Variants in KIAA1217 observed in about 807,000 individuals in gnomAD.
KIAA1217 encodes KIAA1217.
A neutral mutation model predicts 163.9 loss-of-function variants in KIAA1217; 88 were observed. The observed-to-expected ratio is 0.54, with a 90% CI of 0.45 to 0.64. KIAA1217 has a LOEUF of 0.64. Among genes scored for constraint, KIAA1217 ranks in the 30% least tolerant of loss-of-function variants. KIAA1217 has a pLI of 0.00. For missense variants in KIAA1217, 2,372 were observed against 2,475.0 expected, an observed-to-expected ratio of 0.96 and a Z score of 0.88; for synonymous variants, 903 against 923.1, an observed-to-expected ratio of 0.98 and a Z score of 0.39.
chr10:24,398,733 C>T lies in KIAA1217; in HGVS notation c.553+17666C>T, dbSNP rs7086956. The stretch of plus-strand genomic sequence containing the variant: ...GACCTGCTAACACTTAAGAGTTGAG[C>T]GTGCACAGTGTGTTTACTGCAGTTG... On this transcript the variant is annotated intron_variant, in intron 3 of 20. Transcript: ENST00000376454. 2.5e-3 allele frequency among the ~76,000 whole-genome samples: 388 copies of T among 152,198 alleles called. 2 individuals are homozygous for T. Among genetic ancestry groups the T allele is most frequent in the African/African-American group, 8.8e-3 (366 of 41,520 alleles).
intron 2 of KIAA1217, among the ~76,000 whole-genome samples, chr10:24,247,189 AG>A (rs2073917506): frequency 6.8e-6 from 1 of 146,006 alleles, no homozygotes; most frequent in African/African-American, 2.6e-5. Flanking sequence ...ATTTAAGTTC[AG>A]GGGTATGTGT....
chr10:23,981,239 G>A (rs1845754232), intron 1 of KIAA1217, among the ~76,000 whole-genome samples: 1 of 151,960 alleles, frequency 6.6e-6, no homozygotes, highest in Non-Finnish European at 1.5e-5. Flanking sequence ...TTTAATTTAG[G>A]TATTCATTTG....
chr10:24,531,110 T>A (rs1380104142), intron 14 of KIAA1217, among the ~76,000 whole-genome samples: 1 of 151,900 alleles, frequency 6.6e-6, no homozygotes, highest in Non-Finnish European at 1.5e-5. Context: ...GAGGCTAAGG[T>A]GGGAGGATCA....
intron 1 of KIAA1217, among the ~76,000 whole-genome samples, chr10:23,943,317 C>A (rs1297400855): frequency 2.0e-5 from 3 of 152,026 alleles, no homozygotes; most frequent in Non-Finnish European, 4.4e-5. Flanking sequence ...GATTCAAGAG[C>A]AGCATATAAT....
chr10:24,100,097 T>G (rs1292415568), intron 2 of KIAA1217, among the ~76,000 whole-genome samples: 2 of 152,084 alleles, frequency 1.3e-5, no homozygotes, highest in African/African-American at 4.8e-5. Flanking sequence ...TATAGCAAAA[T>G]AAGTCTTTGT....
intron 1 of KIAA1217, among the ~76,000 whole-genome samples, chr10:23,843,589 A>G (rs555111273): frequency 6.6e-6 from 1 of 152,152 alleles, no homozygotes; most frequent in South Asian, 2.1e-4. Context: ...TGTCCTTCCT[A>G]ATTCTGCTCT....
intron 2 of KIAA1217, among the ~76,000 whole-genome samples, chr10:24,165,622 C>T (rs1454137185): frequency 6.6e-6 from 1 of 152,058 alleles, no homozygotes; most frequent in Non-Finnish European, 1.5e-5. Context: ...AAGCTGGATA[C>T]AAAATTCGAG....
chr10:24,530,690 G>C (rs572338625), intron 14 of KIAA1217, among the ~76,000 whole-genome samples: 2 of 152,164 alleles, frequency 1.3e-5, no homozygotes, highest in South Asian at 2.1e-4. Flanking sequence ...TTGAAGCCAG[G>C]ACTTCAAGAG....
intron 1 of KIAA1217, among the ~76,000 whole-genome samples, chr10:23,731,602 AG>A (rs1838481360): frequency 6.6e-6 from 1 of 152,156 alleles, no homozygotes; most frequent in Admixed American, 6.5e-5. Flanking sequence ...TTAGGGAGGG[AG>A]GGGGTACAAC....
intron 1 of KIAA1217, among the ~76,000 whole-genome samples, chr10:23,801,959 A>G (rs955589526): frequency 6.6e-6 from 1 of 152,212 alleles, no homozygotes; most frequent in Non-Finnish European, 1.5e-5. Context: ...TACAGTTTTC[A>G]TATATTCCCT....
At chr10:24,455,264 G>A (rs888674067) in intron 5 of KIAA1217, among the ~76,000 whole-genome samples, 1 of 151,896 alleles carries the variant, frequency 6.6e-6, no homozygotes, top group Admixed American at 6.6e-5. Context: ...AATTTTTATC[G>A]ACAGATATGT....
intron 2 of KIAA1217, among the ~76,000 whole-genome samples, chr10:24,281,614 TGGA>T (rs1048498132): frequency 6.6e-6 from 1 of 152,314 alleles, no homozygotes; most frequent in Admixed American, 6.5e-5. Context: ...CTTGACAATT[TGGA>T]GGAGTACTGG....
At chr10:24,428,398 C>A (rs1164830243) in intron 3 of KIAA1217, among the ~76,000 whole-genome samples, 3 of 152,144 alleles carry the variant, frequency 2.0e-5, no homozygotes, top group Admixed American at 2.0e-4. Context: ...AAAACTAGTT[C>A]CCTGAAAAAG....
At chr10:23,712,987 G>A (rs1171358854) in intron 1 of KIAA1217, among the ~76,000 whole-genome samples, 1 of 152,116 alleles carries the variant, frequency 6.6e-6, no homozygotes, top group African/African-American at 2.4e-5. Context: ...AATGCGGCTT[G>A]CAGGCATTTG....
intron 2 of KIAA1217, among the ~76,000 whole-genome samples, chr10:24,064,674 T>A (rs1455952787): frequency 1.3e-5 from 2 of 152,216 alleles, no homozygotes; most frequent in Non-Finnish European, 2.9e-5. Context: ...TTAGGGAAGA[T>A]TCCCTCTTTT....
At chr10:24,447,944 A>G (rs2061080129) in intron 5 of KIAA1217, among the ~76,000 whole-genome samples, 1 of 152,258 alleles carries the variant, frequency 6.6e-6, no homozygotes, top group East Asian at 1.9e-4. Context: ...ATCCTGGCCA[A>G]GATGGTGAAA....
chr10:24,031,332 G>A (rs908178427), intron 2 of KIAA1217, among the ~76,000 whole-genome samples: 4 of 152,032 alleles, frequency 2.6e-5, no homozygotes, highest in Admixed American at 6.6e-5. Context: ...GTCGGGTCTT[G>A]CTCTGTCTCC....
intron 2 of KIAA1217, among the ~76,000 whole-genome samples, chr10:24,193,153 G>C (rs779238472): frequency 2.0e-5 from 3 of 151,942 alleles, no homozygotes; most frequent in Non-Finnish European, 4.4e-5. Flanking sequence ...TCCTGGGCTT[G>C]AGCGATCTTC....
chr10:24,204,844 C>T (rs1246276809), upstream of KIAA1217, among the ~76,000 whole-genome samples: 1 of 152,208 alleles, frequency 6.6e-6, no homozygotes, highest in Non-Finnish European at 1.5e-5. Flanking sequence ...TTCTGACTTA[C>T]AGGGCCTCAT....
Sources: gnomAD v4.1 joint callset for allele counts (sites outside exome capture counted in the v4.1 genomes callset) on GRCh38, gnomAD v4.1.1 for gene constraint, MANE v1.5 for transcripts, NCBI Gene and HGNC (gene_info 2026-07-23, HGNC 2026-07-21) for gene names.